Variants in PLCG2 observed in about 807,000 individuals in gnomAD.
PLCG2 encodes phospholipase C gamma 2.
In PLCG2, 69 loss-of-function variants were observed where a neutral mutation model predicts 175.6. That is an observed-to-expected ratio of 0.39 (90% CI 0.32 to 0.48). PLCG2 has a LOEUF of 0.48. Among genes scored for constraint, PLCG2 ranks in the 20% least tolerant of loss-of-function variants. The probability of loss-of-function intolerance (pLI) is 0.91; values close to 1 mark genes in which losing one functional copy is unlikely to be tolerated. For synonymous variants in PLCG2, 827 were observed against 624.0 expected, an observed-to-expected ratio of 1.33 and a Z score of -4.85; for missense variants, 1,798 against 1,650.9, an observed-to-expected ratio of 1.09 and a Z score of -1.54.
chr16:81,871,609 A>G (rs1181565744), intron 7 of PLCG2, among the ~76,000 whole-genome samples: 1 of 152,108 alleles, frequency 6.6e-6, no homozygotes, highest in East Asian at 1.9e-4. Context: ...AAGTGCTGGG[A>G]TTACAGGTGT....
intron 5 of PLCG2, among the ~76,000 whole-genome samples, chr16:81,868,689 T>C (rs1200008763): frequency 6.6e-6 from 1 of 152,256 alleles, no homozygotes; most frequent in Non-Finnish European, 1.5e-5. Context: ...TCACATCATG[T>C]CAACACCTAT....
chr16:81,759,807 C>T (rs946298350), intron 2 of PLCG2, among the ~76,000 whole-genome samples: 1 of 152,222 alleles, frequency 6.6e-6, no homozygotes, highest in African/African-American at 2.4e-5. Context: ...TCTTGTAGCT[C>T]TGCTGAGTTT....
intron 14 of PLCG2, among the ~76,000 whole-genome samples, chr16:81,904,883 T>A (rs1346692034): frequency 6.6e-6 from 1 of 151,916 alleles, no homozygotes; most frequent in Non-Finnish European, 1.5e-5. Flanking sequence ...GTGTGGGCTA[T>A]TTTTACTTAT....
chr16:81,907,991 T>G (rs1430800860), intron 16 of PLCG2, among the ~76,000 whole-genome samples: 2 of 152,198 alleles, frequency 1.3e-5, no homozygotes. Context: ...TCAAGATGCT[T>G]TCCTGCTCTC....
chr16:81,830,101 C>T (rs981090178), intron 2 of PLCG2, among the ~76,000 whole-genome samples: 1 of 151,998 alleles, frequency 6.6e-6, no homozygotes, highest in Non-Finnish European at 1.5e-5. Context: ...AGGGGGATCA[C>T]TTGAGCCCAG....
intron 13 of PLCG2, chr16:81,898,187 T>C (rs1255147812): frequency 1.0e-5 from 2 of 196,742 alleles, no homozygotes; most frequent in Non-Finnish European, 1.1e-5. Flanking sequence ...AGAGGAAGTT[T>C]TTTCTGGTTA....
chr16:81,921,798 A>T (rs1295103232), intron 21 of PLCG2, among the ~76,000 whole-genome samples: 2 of 152,240 alleles, frequency 1.3e-5, no homozygotes, highest in Non-Finnish European at 2.9e-5. Flanking sequence ...TGTGGCACAC[A>T]ATTAGTGTAC....
intron 5 of PLCG2, among the ~76,000 whole-genome samples, chr16:81,865,935 G>A (rs1404313514): frequency 1.4e-5 from 2 of 138,370 alleles, no homozygotes; most frequent in East Asian, 4.4e-4. Flanking sequence ...CAGCATGAGA[G>A]GACGCTGGCC....
intron 2 of PLCG2, among the ~76,000 whole-genome samples, chr16:81,774,272 C>T (rs934118728): frequency 4.7e-5 from 7 of 150,476 alleles, no homozygotes; most frequent in African/African-American, 1.7e-4. Context: ...ATCACTTGAG[C>T]CCAGGAGGCA....
chr16:81,858,516 G>T (rs1906802612), intron 4 of PLCG2, among the ~76,000 whole-genome samples, 160 bp downstream of exon 4: 1 of 152,132 alleles, frequency 6.6e-6, no homozygotes, highest in African/African-American at 2.4e-5. Context: ...TAGCGGTGTG[G>T]GCTCTACAGT....
intron 2 of PLCG2, among the ~76,000 whole-genome samples, chr16:81,812,328 C>G (rs1286072334): frequency 6.6e-6 from 1 of 152,154 alleles, no homozygotes; most frequent in Non-Finnish European, 1.5e-5. Flanking sequence ...AGATTACAGG[C>G]GTGAGCCACC....
rs573403943 is a variant in PLCG2, at chr16:81,756,187, C to T, written c.-48+221C>T. ...AAATAGGGCTGCTAAGCCCAGGAACCGTCGGGGAGGCCCAATGGATGGGCC... is the reference window on the plus strand; with the variant it reads ...AAATAGGGCTGCTAAGCCCAGGAACTGTCGGGGAGGCCCAATGGATGGGCC... On this transcript the variant is annotated intron_variant, in intron 2 of 5. Coordinates refer to the PLCG2 transcript ENST00000565054. Among the ~76,000 whole-genome samples the T allele has an allele frequency of 1.6e-4, 25 of 152,364 alleles. No individual in the cohort carries two copies. The South Asian group carries it at 3.7e-3, about 23-fold the overall frequency.
intron 2 of PLCG2, among the ~76,000 whole-genome samples, chr16:81,772,666 A>C (rs952124591): frequency 5.3e-5 from 8 of 151,334 alleles, no homozygotes; most frequent in African/African-American, 1.9e-4. Flanking sequence ...AAAAAAAAAA[A>C]AAAAAGCTGG....
chr16:81,887,613 C>T (rs1037068003), intron 9 of PLCG2, among the ~76,000 whole-genome samples: 3 of 152,226 alleles, frequency 2.0e-5, no homozygotes, highest in Non-Finnish European at 4.4e-5. Context: ...GCCTGCTGGT[C>T]ACCACCTGAT....
chr16:81,822,436 A>G (rs894563328), intron 2 of PLCG2, among the ~76,000 whole-genome samples: 1 of 152,132 alleles, frequency 6.6e-6, no homozygotes, highest in Non-Finnish European at 1.5e-5. Flanking sequence ...ACCCAGGTGG[A>G]TCCAGTGTGT....
chr16:81,850,880 A>T (rs926064362), intron 2 of PLCG2, among the ~76,000 whole-genome samples: 2 of 152,112 alleles, frequency 1.3e-5, no homozygotes, highest in African/African-American at 4.8e-5. Flanking sequence ...AATAGGGTTA[A>T]CTCCCTTGAG....
chr16:81,848,369 A>C (rs1906230847), intron 2 of PLCG2, among the ~76,000 whole-genome samples: 1 of 152,190 alleles, frequency 6.6e-6, no homozygotes, highest in African/African-American at 2.4e-5. Context: ...GCTGGCTTCC[A>C]AAGGGTGCTT....
rs7196329 is a variant in PLCG2 at position 81,890,517 on chromosome 16, C to T, written c.868-955C>T. ...TACTCTTCTCTACTGACCGTGTTGCCTGGGTGGGATTATTGATTTTGCCAC... is the reference window on the plus strand; with the variant it reads ...TACTCTTCTCTACTGACCGTGTTGCTTGGGTGGGATTATTGATTTTGCCAC... On this transcript the variant is annotated intron_variant, in intron 10 of 32. Coordinates refer to ENST00000564138, the MANE Select transcript of PLCG2 (RefSeq NM_002661.5). 1.2e-3 allele frequency among the ~76,000 whole-genome samples: 181 copies of T among 152,252 alleles called. 1 individual carries two copies. Among genetic ancestry groups the T allele is most frequent in the African/African-American group, 4.3e-3 (178 of 41,546 alleles).
chr16:81,792,692 G>C (rs1911293961), intron 2 of PLCG2, among the ~76,000 whole-genome samples: 1 of 152,004 alleles, frequency 6.6e-6, no homozygotes. Flanking sequence ...AGTGAAGGGG[G>C]AAGCCTCTTG....
Sources: gnomAD v4.1 joint callset for allele counts (sites outside exome capture counted in the v4.1 genomes callset) on GRCh38, gnomAD v4.1.1 for gene constraint, MANE v1.5 for transcripts, NCBI Gene and HGNC (gene_info 2026-07-23, HGNC 2026-07-21) for gene names.